IGSF21: variants seen among roughly 807,000 people sequenced by gnomAD.
The protein encoded by IGSF21 is immunoglobulin superfamily member 21.
IGSF21 carries 28 observed loss-of-function variants against 46.8 expected under a neutral mutation model. The ratio of observed to expected loss-of-function variants is 0.60; its 90% CI spans 0.44 to 0.82. The LOEUF (loss-of-function observed/expected upper bound fraction) is 0.82, where lower values mean the gene tolerates loss of function less well. Ranked by LOEUF, IGSF21 falls within the 40% of genes least tolerant of loss-of-function variation. IGSF21 has a pLI of 0.00. For missense variants in IGSF21, 624 were observed against 665.5 expected (o/e 0.94, Z 0.69); for synonymous variants, 284 against 273.6 (o/e 1.04, Z -0.38).
In IGSF21 at chr1:18,349,245, G is replaced by T. The variant is rs138958142; in HGVS notation, c.425-12870G>T. Reference sequence around the variant, plus strand: ...CCCCTCTCTCTGAAGCCAGAGCTTGGCCTCTCTGCTCTGGGACTTAAGGTC... The same window carrying T: ...CCCCTCTCTCTGAAGCCAGAGCTTGTCCTCTCTGCTCTGGGACTTAAGGTC... On this transcript the variant is annotated intron_variant, in intron 4 of 9. Coordinates refer to ENST00000251296, the MANE Select transcript of IGSF21 (RefSeq NM_032880.5). Among the ~76,000 whole-genome samples the T allele has an allele frequency of 2.6e-5, 4 of 152,266 alleles. No individual in the cohort carries two copies. The East Asian group carries it at 7.7e-4, about 29-fold the overall frequency.
chr1:18,169,728 G>A (rs1478761722), intron 1 of IGSF21, among the ~76,000 whole-genome samples: 1 of 152,190 alleles, frequency 6.6e-6, no homozygotes, highest in Non-Finnish European at 1.5e-5. Flanking sequence ...TTGTTTGGTA[G>A]GGAGAGCAGG....
chr1:18,197,501 C>A (rs11589169), intron 1 of IGSF21, among the ~76,000 whole-genome samples: 4 of 152,206 alleles, frequency 2.6e-5, no homozygotes, highest in African/African-American at 9.7e-5. Flanking sequence ...GCCATTCACC[C>A]TGCTGGATGT....
In IGSF21 at chr1:18,153,909, C is replaced by T. The variant is rs1007999944; in HGVS notation, c.70+45711C>T. Among the ~76,000 whole-genome samples, 47 of 152,158 alleles carry T rather than the reference C, an allele frequency of 3.1e-4. 2 individuals are homozygous for T. Among genetic ancestry groups the T allele is most frequent in the Non-Finnish European group, 1.5e-5 (1 of 68,032 alleles). ...CTGGAACCCCTCATGCAGCCCTGAG[C>T]CCATGTGTTCCTTTAAAAGGTGGAG... On this transcript the variant is annotated intron_variant, in intron 1 of 9. Transcript: ENST00000251296.
intron 1 of IGSF21, among the ~76,000 whole-genome samples, chr1:18,117,966 C>A (rs142847778): frequency 6.6e-6 from 1 of 152,198 alleles, no homozygotes; most frequent in East Asian, 1.9e-4. Flanking sequence ...TGTCCCAGGG[C>A]TTGGCCAGGT....
At chr1:18,235,934 A>G (rs926253133) in intron 2 of IGSF21, among the ~76,000 whole-genome samples, 2 of 152,074 alleles carry the variant, frequency 1.3e-5, no homozygotes, top group Non-Finnish European at 2.9e-5. Flanking sequence ...GAAGGGAAAA[A>G]TGTTCTGCTT....
chr1:18,298,966 A>C (rs113725807), intron 3 of IGSF21, among the ~76,000 whole-genome samples: 2,567 of 152,344 alleles, frequency 0.017, 70 homozygotes, highest in African/African-American at 0.054. Flanking sequence ...GAGAAAGGGG[A>C]GATAAAACAC....
At chr1:18,276,343 C>T (rs559092741) in intron 2 of IGSF21, among the ~76,000 whole-genome samples, 2 of 152,290 alleles carry the variant, frequency 1.3e-5, no homozygotes, top group South Asian at 2.1e-4. Flanking sequence ...GCTGGCTCAG[C>T]AAGGTCCCCC....
chr1:18,187,172 C>G (rs2086911341), intron 1 of IGSF21, among the ~76,000 whole-genome samples: 1 of 152,024 alleles, frequency 6.6e-6, no homozygotes, highest in Admixed American at 6.6e-5. Flanking sequence ...TCTTGGCTTG[C>G]AGATGGCTGC....
intron 1 of IGSF21, among the ~76,000 whole-genome samples, chr1:18,203,606 GC>G (rs1160536773): frequency 1.3e-5 from 2 of 152,214 alleles, no homozygotes; most frequent in Non-Finnish European, 2.9e-5. Flanking sequence ...ACCGTGACCA[GC>G]CCCTTGATAA....
In IGSF21 at chr1:18,365,218, G is replaced by A; in HGVS notation, c.541-5G>A. 1.3e-6 allele frequency: 2 copies of A among 1,587,326 alleles called. No individual in the cohort carries two copies. Among genetic ancestry groups the A allele is most frequent in the Non-Finnish European group, 8.6e-7 (1 of 1,162,714 alleles). ...CATTTTCCCACACCCTCCTTACAAT[G>A]GCAGGTTTATTTCAAACGAGATGGG... On this transcript the variant is annotated splice_region_variant and splice_polypyrimidine_tract_variant and intron_variant, in intron 5 of 9. Transcript: ENST00000251296. This position sits in a 1 kb window ranked among gnomAD's most constrained non-coding sequence, Gnocchi z 4.8.
chr1:18,163,963 C>A (rs929647638), intron 1 of IGSF21, among the ~76,000 whole-genome samples: 2 of 152,142 alleles, frequency 1.3e-5, no homozygotes, highest in Non-Finnish European at 2.9e-5. Context: ...ATATGAAATG[C>A]AATTTAGTTA....
At chr1:18,289,539 TG>T (rs1481062296) in intron 2 of IGSF21, among the ~76,000 whole-genome samples, 1 of 152,202 alleles carries the variant, frequency 6.6e-6, no homozygotes, top group Non-Finnish European at 1.5e-5. Flanking sequence ...ACCTGCAAAA[TG>T]GGAACATTCT....
chr1:18,174,695 T>G (rs914454321), intron 1 of IGSF21, among the ~76,000 whole-genome samples: 1 of 152,232 alleles, frequency 6.6e-6, no homozygotes, highest in Non-Finnish European at 1.5e-5. Flanking sequence ...CAGGGAAGGA[T>G]AACTCTGAGG....
At chr1:18,299,963 T>TG (rs1188140743) in intron 3 of IGSF21, among the ~76,000 whole-genome samples, 1 of 152,154 alleles carries the variant, frequency 6.6e-6, no homozygotes, top group Non-Finnish European at 1.5e-5. Context: ...CAGTGGCTCA[T>TG]GCCTGTAATC....
intron 1 of IGSF21, among the ~76,000 whole-genome samples, chr1:18,170,556 T>C (rs1042424434): frequency 2.6e-5 from 4 of 151,822 alleles, no homozygotes; most frequent in Non-Finnish European, 5.9e-5. Context: ...GTTTAACTAA[T>C]GTAATCCTCA....
At chr1:18,245,433 T>C (rs1184315056) in intron 2 of IGSF21, among the ~76,000 whole-genome samples, 1 of 152,216 alleles carries the variant, frequency 6.6e-6, no homozygotes, top group African/African-American at 2.4e-5. Flanking sequence ...AGCTCTCAAG[T>C]ATTTGTTTTT....
At chr1:18,226,240 G>A (rs973547206) in intron 1 of IGSF21, among the ~76,000 whole-genome samples, 5 of 152,148 alleles carry the variant, frequency 3.3e-5, no homozygotes, top group Admixed American at 6.5e-5. Context: ...GCCCCCGTCC[G>A]CCTACCTAGA....
At chr1:18,355,141 G>A (rs1280520690) in intron 4 of IGSF21, among the ~76,000 whole-genome samples, 1 of 152,208 alleles carries the variant, frequency 6.6e-6, no homozygotes. Flanking sequence ...CCTGGGAGAA[G>A]TGGGAGCGGA....
intron 6 of IGSF21, among the ~76,000 whole-genome samples, chr1:18,370,325 C>T (rs1385192805): frequency 1.3e-5 from 2 of 152,084 alleles, no homozygotes; most frequent in East Asian, 3.8e-4. Flanking sequence ...TTGATTTTTG[C>T]CAAAGACCCC....
Sources: allele counts gnomAD v4.1 joint callset (sites outside exome capture counted in the v4.1 genomes callset), GRCh38; gene constraint gnomAD v4.1.1; non-coding constraint Gnocchi (gnomAD v3.1); transcripts MANE v1.5; gene names NCBI Gene and HGNC (gene_info 2026-07-23, HGNC 2026-07-21).